NASP: variants seen among roughly 807,000 people sequenced by gnomAD.
NASP encodes nuclear autoantigenic sperm protein, also known as NASP histone chaperone.
Under a neutral mutation model 89.5 loss-of-function variants are expected in NASP, and 24 were observed. The observed-to-expected ratio is 0.27, with a 90% confidence interval of 0.19 to 0.38. The LOEUF (loss-of-function observed/expected upper bound fraction) is 0.38, where lower values mean the gene tolerates loss of function less well. Ranked by LOEUF, NASP falls within the 10% of genes least tolerant of loss-of-function variation. The pLI is 1.00. For synonymous variants in NASP, 306 were observed against 324.7 expected, an observed-to-expected ratio of 0.94 and a Z score of 0.62; for missense variants, 848 against 921.4, an observed-to-expected ratio of 0.92 and a Z score of 1.03.
rs1644488215 is a variant in NASP at position 45,584,050 on chromosome 1, GC to G, written c.-95del. The stretch of plus-strand genomic sequence containing the variant: ...CCCGGCCGCGCGGGGTCTCTAATCT[GC>G]CATTTTCTGTCCCTGAGTGAGTCTC... On this transcript the variant is annotated 5_prime_UTR_variant, in exon 1 of 15. Transcript: ENST00000350030. The G allele has an allele frequency of 8.4e-7, 1 of 1,194,972 alleles. No individual in the cohort carries two copies. The highest frequency in any genetic ancestry group is 1.5e-5 in the African/African-American group (1 of 65,510). The allele number at this position is 1,194,972 out of a possible 1,614,324, so 74.0% of individuals were successfully genotyped here.
chr1:45,617,321 C>A, intron 13 of NASP, 142 bp from the exon 14 acceptor site: 1 of 926,284 alleles, frequency 1.1e-6, no homozygotes, highest in Non-Finnish European at 1.6e-6. Flanking sequence ...TGGCATCTGC[C>A]TGTGGCTAGG....
intron 2 of NASP, chr1:45,594,710 C>T (rs1391829433): frequency 6.6e-6 from 3 of 455,324 alleles, no homozygotes; most frequent in East Asian, 6.9e-5. Context: ...GGTTTCGTCA[C>T]GTTGCCCAGG....
intron 2 of NASP, among the ~76,000 whole-genome samples, chr1:45,594,031 A>G (rs1241899274): frequency 1.2e-4 from 18 of 149,444 alleles, no homozygotes; most frequent in African/African-American, 3.9e-4. Flanking sequence ...CCTGTCTCCA[A>G]AAAAAAAAGG....
rs538874191 is a variant in NASP at position 45,585,004 on chromosome 1, C to T, written c.59+799C>T. ...AACATTACCGGACGTAAAGCGTCTT[C>T]AGGAAGCGCTGTCTGGAGCTCTCAC... On this transcript the variant is annotated intron_variant, in intron 1 of 14. Transcript: ENST00000350030. Among the ~76,000 whole-genome samples the T allele has an allele frequency of 9.8e-5, 15 of 152,302 alleles. No homozygotes were observed. The South Asian group carries it at 2.1e-3, about 21-fold the overall frequency.
chr1:45,607,627 C>G lies in NASP; in HGVS notation c.716C>G (p.Ala239Gly), dbSNP rs140271488. Residue 239 changes from alanine (A) to glycine (G), a missense_variant, in exon 6 of 15, where the codon GCT becomes GGT. Ala to Gly is a moderately conservative substitution (Grantham distance 60). Coordinates refer to ENST00000350030, the MANE Select transcript of NASP (RefSeq NM_002482.4). ...SGKPEQEVPDAEEEKSVSGTD... is the reference protein window; with the variant it reads ...SGKPEQEVPDGEEEKSVSGTD... ...AAGCCAGAACAGGAAGTACCAGATGCTGAGGAAGAAAAATCAGTTTCTGGA... is the reference window on the plus strand; with the variant it reads ...AAGCCAGAACAGGAAGTACCAGATGGTGAGGAAGAAAAATCAGTTTCTGGA... The G allele has an allele frequency of 6.2e-7, 1 of 1,613,970 alleles. No individual in the cohort carries two copies. Among genetic ancestry groups the G allele is most frequent in the Non-Finnish European group, 8.5e-7 (1 of 1,180,028 alleles).
chr1:45,584,117 C>A lies in NASP; in HGVS notation c.-30C>A. 1.3e-6 allele frequency: 2 copies of A among 1,568,850 alleles called. No homozygotes were observed. Among genetic ancestry groups the A allele is most frequent in the South Asian group, 1.2e-5 (1 of 85,632 alleles). ...CCTGTTTTTCTCGCAGGCTCTATTC[C>A]GTTCGCTGGTTCGCCACCTCAGGGG... On this transcript the variant is annotated 5_prime_UTR_variant, in exon 1 of 15. Coordinates refer to ENST00000350030, the MANE Select transcript of NASP (RefSeq NM_002482.4).
chr1:45,610,643 C>G (rs551769071), intron 6 of NASP: 2 of 152,392 alleles, frequency 1.3e-5, no homozygotes, highest in African/African-American at 4.8e-5. Context: ...TTTTGCCAGG[C>G]TGGAGTACAG....
intron 13 of NASP, 51 bp from the exon 14 acceptor site, chr1:45,617,412 T>C: frequency 1.3e-6 from 2 of 1,582,256 alleles, no homozygotes; most frequent in South Asian, 2.3e-5. Context: ...TGCAGTTGTC[T>C]TTTTAAAAAC....
At chr1:45,604,871 G>C (rs1247392781) in intron 3 of NASP, 65 bp from the exon 4 acceptor site, 5 of 1,207,358 alleles carry the variant, frequency 4.1e-6, no homozygotes, top group Non-Finnish European at 4.8e-6. Flanking sequence ...TATAACTGAA[G>C]AACTAGAACT....
At position 45,607,158 on chromosome 1, in the gene NASP, T is replaced by C; in HGVS notation, c.410-163T>C. On this transcript the variant is annotated intron_variant, in intron 5 of 14. Coordinates refer to ENST00000350030, the MANE Select transcript of NASP (RefSeq NM_002482.4). ...CAGTAAGTTGCTCTGCTAGCCGGGA[T>C]GCTCCCTTTCCTTTTCTCTAGGGGG... The C allele has an allele frequency of 5.8e-6, 4 of 695,448 alleles. No individual in the cohort carries two copies. The South Asian group carries it at 8.2e-5, about 14-fold the overall frequency. The allele number at this position is 695,448 out of a possible 1,614,324, so 43.1% of individuals were successfully genotyped here.
At chr1:45,584,299 G>C in intron 1 of NASP, 94 bp downstream of exon 1, 1 of 1,212,976 alleles carries the variant, frequency 8.2e-7, no homozygotes, top group South Asian at 1.4e-5. Context: ...CGGTGGGCGG[G>C]AGTACTTGCC....
chr1:45,601,481 T>A (rs997419784), intron 2 of NASP, among the ~76,000 whole-genome samples: 2 of 152,190 alleles, frequency 1.3e-5, no homozygotes, highest in African/African-American at 4.8e-5. Context: ...GTCAGTCATA[T>A]ATGCATGGAT....
At chr1:45,591,980 C>A (rs1416406445) in intron 2 of NASP, among the ~76,000 whole-genome samples, 1 of 152,158 alleles carries the variant, frequency 6.6e-6, no homozygotes, top group East Asian at 1.9e-4. Flanking sequence ...ACCACCACAT[C>A]TGGCTAATTA....
At position 45,614,274 on chromosome 1, in the gene NASP, T is replaced by C; in HGVS notation, c.1593-19T>C. 3 of 1,612,030 alleles carry C rather than the reference T, an allele frequency of 1.9e-6. No homozygotes were observed. Among genetic ancestry groups the C allele is most frequent in the Non-Finnish European group, 2.5e-6 (3 of 1,178,120 alleles). ...AGACAGGTACTGTTAAGGTTTTTGA[T>C]CAATTTTCCTTCTTTTAGGCAAGAA... On this transcript the variant is annotated intron_variant, in intron 8 of 14. Coordinates refer to ENST00000350030, the MANE Select transcript of NASP (RefSeq NM_002482.4).
At chr1:45,604,429 T>C (rs1001796427) in intron 3 of NASP, among the ~76,000 whole-genome samples, 4 of 152,254 alleles carry the variant, frequency 2.6e-5, no homozygotes, top group Admixed American at 6.5e-5. Flanking sequence ...CAAACAGTTA[T>C]TAACATTCCC....
Position 45,587,505 on chromosome 1 carries a change from C to T in NASP, c.59+3300C>T, listed in dbSNP as rs188808739. On this transcript the variant is annotated intron_variant, in intron 1 of 14. Coordinates refer to ENST00000350030, the MANE Select transcript of NASP (RefSeq NM_002482.4). ...TACATATCTCAACTGTGGATGGTGC[C>T]GTGTATGGTCTGTGTGTTTTGATGA... Among the ~76,000 whole-genome samples, 37 of 151,204 alleles carry T rather than the reference C, an allele frequency of 2.4e-4. No homozygotes were observed. The South Asian group carries it at 4.0e-3, about 16-fold the overall frequency.
At chr1:45,607,252 A>T in intron 5 of NASP, 69 bp from the exon 6 acceptor site, 2 of 1,490,460 alleles carry the variant, frequency 1.3e-6, no homozygotes, top group Admixed American at 2.0e-5. Flanking sequence ...ATGTATTTTT[A>T]GTTTCCATTT....
chr1:45,590,564 A>AG (rs1480073113), intron 1 of NASP, among the ~76,000 whole-genome samples: 67 of 151,306 alleles, frequency 4.4e-4, no homozygotes, highest in African/African-American at 1.5e-3. Flanking sequence ...AAAAAAAAAA[A>AG]AAAGAAAAGA....
intron 12 of NASP, 29 bp downstream of exon 12, chr1:45,616,422 T>C: frequency 6.2e-7 from 1 of 1,607,950 alleles, no homozygotes; most frequent in Non-Finnish European, 8.5e-7. Flanking sequence ...TTTTGGTCAC[T>C]TACATTAAGT....
Sources: allele counts gnomAD v4.1 joint callset (sites outside exome capture counted in the v4.1 genomes callset), GRCh38; gene constraint gnomAD v4.1.1; transcripts MANE v1.5; gene names NCBI Gene and HGNC (gene_info 2026-07-23, HGNC 2026-07-21).